DTNBP1: variants seen among roughly 807,000 people sequenced by gnomAD.
DTNBP1 encodes dysbindin.
Under a neutral mutation model 42.8 loss-of-function variants are expected in DTNBP1, and 35 were observed. The ratio of observed to expected loss-of-function variants is 0.82; its 90% CI spans 0.63 to 1.09. The LOEUF is 1.09. Ranked by LOEUF, DTNBP1 falls within the 50% of genes least tolerant of loss-of-function variation. DTNBP1 has a pLI of 0.00. For synonymous variants in DTNBP1, 171 were observed against 162.2 expected (o/e 1.05, Z -0.41); for missense variants, 457 against 424.2 (o/e 1.08, Z -0.68).
intron 7 of DTNBP1, chr6:15,548,438 G>GACACACACACACACAC (rs3045754): frequency 1.8e-4 from 24 of 136,710 alleles, no homozygotes; most frequent in African/African-American, 5.2e-4. Context: ...AACACACACA[G>GACACACACACACACAC]ACACACACAC....
At chr6:15,556,607 T>A (rs1338401741) in intron 7 of DTNBP1, among the ~76,000 whole-genome samples, 1 of 152,178 alleles carries the variant, frequency 6.6e-6, no homozygotes, top group Non-Finnish European at 1.5e-5. Context: ...TAAGAGCTCA[T>A]GAAGATGCTG....
intron 7 of DTNBP1, among the ~76,000 whole-genome samples, chr6:15,588,623 G>T (rs1203387574): frequency 6.6e-6 from 1 of 152,206 alleles, no homozygotes; most frequent in Non-Finnish European, 1.5e-5. Context: ...CCTGTGTATG[G>T]CATTCAAGGC....
rs1340937941 is a variant in DTNBP1, at chr6:15,586,157, G to C, written c.511+6902C>G. ...CACAGCAAAAGAGAGATGAAATCTTGCTGTTTGAAAGTAGTAACATAAAAA... is the reference window on the plus strand; with the variant it reads ...CACAGCAAAAGAGAGATGAAATCTTCCTGTTTGAAAGTAGTAACATAAAAA... On this transcript the variant is annotated intron_variant, in intron 7 of 9. Coordinates refer to ENST00000344537, the MANE Select transcript of DTNBP1 (RefSeq NM_032122.5). The C allele has an allele frequency of 5.7e-6, 3 of 525,412 alleles. No individual in the cohort carries two copies. In the African/African-American group the frequency reaches 6.1e-5, roughly 11 times the overall value. 32.5% of individuals were successfully genotyped at this position (525,412 alleles called of 1,614,324 possible). A position where few individuals can be genotyped will look rare whatever the true frequency, so the allele number is the denominator to read the frequency against.
chr6:15,557,727 A>G (rs1327932939), intron 7 of DTNBP1, among the ~76,000 whole-genome samples: 1 of 152,204 alleles, frequency 6.6e-6, no homozygotes, highest in African/African-American at 2.4e-5. Flanking sequence ...TTGTTTGGAA[A>G]GCTAAGTTCT....
intron 6 of DTNBP1, among the ~76,000 whole-genome samples, chr6:15,601,053 A>G (rs939985065): frequency 1.3e-5 from 2 of 152,204 alleles, no homozygotes; most frequent in African/African-American, 4.8e-5. Flanking sequence ...CAGCATTAAA[A>G]CATTTACAAA....
At chr6:15,596,691 T>C (rs1454197226) in intron 6 of DTNBP1, among the ~76,000 whole-genome samples, 1 of 152,202 alleles carries the variant, frequency 6.6e-6, no homozygotes, top group East Asian at 1.9e-4. Context: ...TAGCTTTAAA[T>C]GCCATCCATA....
chr6:15,536,085 G>A (rs1394936642), intron 7 of DTNBP1, among the ~76,000 whole-genome samples: 1 of 152,172 alleles, frequency 6.6e-6, no homozygotes, highest in African/African-American at 2.4e-5. Flanking sequence ...TCAGTTTTAT[G>A]TGTTCACAAG....
chr6:15,660,301 A>C, intron 1 of DTNBP1: 2 of 1,247,360 alleles, frequency 1.6e-6, no homozygotes, highest in Non-Finnish European at 2.1e-6. Context: ...AGGCAAAAAT[A>C]ATCAGTTATG....
intron 7 of DTNBP1, among the ~76,000 whole-genome samples, chr6:15,571,882 T>C (rs1031930225): frequency 6.6e-6 from 1 of 152,158 alleles, no homozygotes; most frequent in Non-Finnish European, 1.5e-5. Context: ...TATCTTCAAA[T>C]TTTTCCCAAA....
At chr6:15,524,183 A>G in intron 9 of DTNBP1, 3 of 1,467,528 alleles carry the variant, frequency 2.0e-6, no homozygotes, top group African/African-American at 1.4e-5. Context: ...GCCCCGCAGG[A>G]GAGTCCGCAC....
intron 4 of DTNBP1, among the ~76,000 whole-genome samples, chr6:15,630,438 A>C (rs1410582703): frequency 6.6e-6 from 1 of 152,200 alleles, no homozygotes; most frequent in Non-Finnish European, 1.5e-5. Context: ...CTGTTAAACA[A>C]AACCATGAAT....
At chr6:15,542,376 GTTTT>G (rs1181269638) in intron 7 of DTNBP1, among the ~76,000 whole-genome samples, 1 of 151,920 alleles carries the variant, frequency 6.6e-6, no homozygotes, top group African/African-American at 2.4e-5. Flanking sequence ...TTTGTTTTTT[GTTTT>G]TTGTTTTTTT....
At chr6:15,577,249 C>T (rs1775619300) in intron 7 of DTNBP1, among the ~76,000 whole-genome samples, 1 of 152,218 alleles carries the variant, frequency 6.6e-6, no homozygotes. Flanking sequence ...GGGCTGGGCC[C>T]TGCAGGGCCT....
intron 9 of DTNBP1, chr6:15,523,560 T>G (rs1329686711): frequency 2.5e-6 from 3 of 1,191,586 alleles, no homozygotes; most frequent in Non-Finnish European, 3.1e-6. Flanking sequence ...TAATCTAGAT[T>G]TCTTTTTTTT....
In DTNBP1 at chr6:15,662,735, G is replaced by A. The variant is rs570591940; in HGVS notation, c.56+79C>T. 3.2e-4 allele frequency: 506 copies of A among 1,584,172 alleles called. 3 individuals carry two copies. In the Admixed American group the frequency reaches 6.9e-3, roughly 22 times the overall value. On this transcript the variant is annotated intron_variant, in intron 1 of 9. Transcript: ENST00000344537. ...GGACGGACCCTGGACCGTGGCGCGG[G>A]GAAGGGAGCGAGGCAGGGGCATCCC...
At chr6:15,591,996 C>T (rs562453146) in intron 7 of DTNBP1, among the ~76,000 whole-genome samples, 2 of 152,318 alleles carry the variant, frequency 1.3e-5, no homozygotes, top group South Asian at 4.1e-4. Flanking sequence ...GATCATTTAA[C>T]ATTACCTTCA....
chr6:15,620,047 A>T (rs1368147584), intron 5 of DTNBP1, among the ~76,000 whole-genome samples: 1 of 152,156 alleles, frequency 6.6e-6, no homozygotes, highest in Admixed American at 6.6e-5. Flanking sequence ...CATTTTATTC[A>T]AAAGTGAAAA....
At chr6:15,524,356 T>C in intron 9 of DTNBP1, 170 bp downstream of exon 9, 1 of 1,613,260 alleles carries the variant, frequency 6.2e-7, no homozygotes, top group African/African-American at 1.3e-5. Context: ...ACACCACTGT[T>C]GCAGCTGCCA....
intron 7 of DTNBP1, among the ~76,000 whole-genome samples, chr6:15,581,824 G>C (rs1775853629): frequency 1.3e-5 from 2 of 152,114 alleles, no homozygotes; most frequent in Admixed American, 1.3e-4. Flanking sequence ...ATCTGCAATA[G>C]AGAAGATTTG....
Sources: allele counts gnomAD v4.1 joint callset (sites outside exome capture counted in the v4.1 genomes callset), GRCh38; gene constraint gnomAD v4.1.1; transcripts MANE v1.5; gene names NCBI Gene and HGNC (gene_info 2026-07-23, HGNC 2026-07-21).